The following ADGRD1 variants were observed in gnomAD, a reference collection of about 807,000 sequenced individuals.
ADGRD1 encodes the protein G-protein coupled receptor 133.
Under a neutral mutation model 113.4 loss-of-function variants are expected in ADGRD1, and 77 were observed. That is an observed-to-expected ratio of 0.68 (90% CI 0.57 to 0.82). The LOEUF (loss-of-function observed/expected upper bound fraction) is 0.82. Ranked by LOEUF, ADGRD1 falls within the 40% of genes least tolerant of loss-of-function variation. The pLI is 0.00. For missense variants in ADGRD1, 1,036 were observed against 1,139.1 expected (o/e 0.91, Z 1.30); for synonymous variants, 474 against 475.0 (o/e 1.00, Z 0.03).
intron 13 of ADGRD1, among the ~76,000 whole-genome samples, chr12:131,033,494 G>A (rs1055672053): frequency 2.0e-5 from 3 of 152,180 alleles, no homozygotes; most frequent in Non-Finnish European, 4.4e-5. Context: ...ATGTCTTTTC[G>A]GAGCCCCCTG....
At position 131,119,339 on chromosome 12, in the gene ADGRD1, GCA is replaced by G. The variant is rs1256408421; in HGVS notation, c.2108+891_2108+892del. On this transcript the variant is annotated intron_variant, in intron 19 of 24. Coordinates refer to ENST00000261654, the MANE Select transcript of ADGRD1 (RefSeq NM_198827.5). ...CATTTGTAGAAGGCAGTGTCTGAGCGCACAGTGAAACAAGCATGGTTACGCAG... is the reference window on the plus strand; with the variant it reads ...CATTTGTAGAAGGCAGTGTCTGAGCGCAGTGAAACAAGCATGGTTACGCAG... Among the ~76,000 whole-genome samples, 4 of 152,338 alleles carry G rather than the reference GCA, an allele frequency of 2.6e-5. No homozygotes were observed. In the East Asian group the frequency reaches 7.7e-4, roughly 29 times the overall value.
rs1882081740 is a variant in ADGRD1 at position 131,041,017 on chromosome 12, T to G, written c.1473+26677T>G. Among the ~76,000 whole-genome samples the G allele has an allele frequency of 6.6e-6, 1 of 152,194 alleles. No individual in the cohort carries two copies. Among genetic ancestry groups the G allele is most frequent in the Non-Finnish European group, 1.5e-5 (1 of 68,026 alleles). ...GGCTGAATGGTGGCCCCCCCGGAGT[T>G]TGCCATCATCCCCACCTGGATGGTC... On this transcript the variant is annotated intron_variant, in intron 13 of 24. Coordinates refer to ENST00000261654, the MANE Select transcript of ADGRD1 (RefSeq NM_198827.5). The surrounding 1 kb of genome is among the most constrained non-coding windows in gnomAD (Gnocchi z 4.4).
At chr12:130,990,680 G>A (rs552336599) in intron 6 of ADGRD1, 33 of 227,358 alleles carry the variant, frequency 1.5e-4, no homozygotes, top group Middle Eastern at 1.8e-3. Context: ...CAGTCTGGAT[G>A]CAATTGAAAT....
chr12:131,128,145 T>C (rs1023769232), intron 20 of ADGRD1, among the ~76,000 whole-genome samples: 1 of 144,330 alleles, frequency 6.9e-6, no homozygotes, highest in East Asian at 2.1e-4. Flanking sequence ...TTGGTTGTGA[T>C]GGGATTCTGA....
Position 130,971,364 on chromosome 12 carries a change from T to G in ADGRD1, c.188-94T>G, listed in dbSNP as rs1243279023. Reference sequence around the variant, plus strand: ...TACTTAGATAAATAATAATGCATACTTACACATAAGTTATTTGTAGGTCTG... The same window carrying G: ...TACTTAGATAAATAATAATGCATACGTACACATAAGTTATTTGTAGGTCTG... On this transcript the variant is annotated intron_variant, in intron 3 of 24. Transcript: ENST00000261654. This position sits in a 1 kb window ranked among gnomAD's most constrained non-coding sequence, Gnocchi z 4.2. 1 of 841,090 alleles carries G rather than the reference T, an allele frequency of 1.2e-6. No individual in the cohort carries two copies. The highest frequency in any genetic ancestry group is 1.7e-5 in the African/African-American group (1 of 57,866). 52.1% of individuals were successfully genotyped at this position (841,090 alleles called of 1,614,324 possible). A position where few individuals can be genotyped will look rare whatever the true frequency, so the allele number is the denominator to read the frequency against.
At chr12:131,085,497 C>T (rs7978139) in intron 15 of ADGRD1, among the ~76,000 whole-genome samples, 1 of 151,878 alleles carries the variant, frequency 6.6e-6, no homozygotes, top group South Asian at 2.1e-4. Context: ...TAGATGCATA[C>T]GAAGCCTTTG....
chr12:130,955,635 C>T (rs1869463874), intron 2 of ADGRD1, among the ~76,000 whole-genome samples: 2 of 152,132 alleles, frequency 1.3e-5, no homozygotes, highest in Admixed American at 6.5e-5. Flanking sequence ...GGGAGGAGAC[C>T]CTGCTAGTGC....
intron 13 of ADGRD1, among the ~76,000 whole-genome samples, chr12:131,062,256 G>A (rs1384485052): frequency 6.6e-6 from 1 of 152,230 alleles, no homozygotes; most frequent in Admixed American, 6.5e-5. Flanking sequence ...GCCTCCCAAA[G>A]TGCTGGGATT....
chr12:131,008,316 C>T (rs748965052), intron 12 of ADGRD1, among the ~76,000 whole-genome samples: 66 of 152,222 alleles, frequency 4.3e-4, no homozygotes, highest in East Asian at 1.9e-4. Flanking sequence ...GCACATATGC[C>T]GGGTTCCTGC....
intron 15 of ADGRD1, among the ~76,000 whole-genome samples, chr12:131,093,891 G>A (rs1887082314): frequency 6.6e-6 from 1 of 152,062 alleles, no homozygotes; most frequent in Non-Finnish European, 1.5e-5. Flanking sequence ...GTGGAGCTGT[G>A]GTGGTGATGA....
intron 13 of ADGRD1, among the ~76,000 whole-genome samples, chr12:131,049,171 T>TG (rs1216390748): frequency 1.3e-5 from 2 of 152,242 alleles, no homozygotes; most frequent in African/African-American, 4.8e-5. Context: ...ACCGAGTCCC[T>TG]GGGGTCTCTG....
At chr12:131,079,667 T>C (rs527951745) in intron 14 of ADGRD1, among the ~76,000 whole-genome samples, 102 of 152,336 alleles carry the variant, frequency 6.7e-4, no homozygotes, top group Non-Finnish European at 1.2e-3. Flanking sequence ...TGCAGGACTA[T>C]GTAGGTCGTC....
At chr12:130,961,701 C>A (rs1041339678) in intron 2 of ADGRD1, among the ~76,000 whole-genome samples, 1 of 152,106 alleles carries the variant, frequency 6.6e-6, no homozygotes, top group Admixed American at 6.5e-5. Context: ...ACTTGTAGGA[C>A]TATGAGTTAT....
chr12:131,110,049 T>C (rs1037358238), intron 18 of ADGRD1, among the ~76,000 whole-genome samples: 3 of 152,262 alleles, frequency 2.0e-5, no homozygotes, highest in African/African-American at 7.2e-5. Context: ...TTGCAGAGCA[T>C]ATATATTTTC....
intron 15 of ADGRD1, among the ~76,000 whole-genome samples, chr12:131,093,450 C>T (rs566321172): frequency 6.6e-6 from 1 of 152,340 alleles, no homozygotes; most frequent in East Asian, 1.9e-4. Context: ...GGCCCCGTGC[C>T]CCGCGGTTAC....
At chr12:131,131,468 C>T (rs571743501) in intron 20 of ADGRD1, among the ~76,000 whole-genome samples, 12 of 152,324 alleles carry the variant, frequency 7.9e-5, no homozygotes, top group African/African-American at 2.2e-4. Flanking sequence ...TGCCCTCATG[C>T]CCGGATGTGT....
intron 2 of ADGRD1, among the ~76,000 whole-genome samples, chr12:130,963,292 C>G (rs1257380080): frequency 7.8e-6 from 1 of 128,238 alleles, no homozygotes; most frequent in African/African-American, 3.0e-5. Context: ...TGCACTCCAG[C>G]CTGGGCGACA....
At chr12:131,086,300 C>T (rs185138484) in intron 15 of ADGRD1, among the ~76,000 whole-genome samples, 2 of 152,214 alleles carry the variant, frequency 1.3e-5, no homozygotes, top group Admixed American at 6.5e-5. Flanking sequence ...CAAGGTGTAA[C>T]GGAGGCAGAA....
rs1886338324 is a variant in ADGRD1 at position 131,084,794 on chromosome 12, C to G, written c.1671+131C>G. On this transcript the variant is annotated intron_variant, in intron 15 of 24. Transcript: ENST00000261654. The surrounding 1 kb of genome is among the most constrained non-coding windows in gnomAD (Gnocchi z 4.5). The stretch of plus-strand genomic sequence containing the variant: ...CATTACTCCATGGGGCCTGTGTTTA[C>G]AGACGGAATCCATTCTCTTGGCTTC... 4.1e-6 allele frequency: 4 copies of G among 964,354 alleles called. No individual in the cohort carries two copies. The highest frequency in any genetic ancestry group is 6.2e-6 in the Non-Finnish European group (4 of 642,032). 59.7% of individuals were successfully genotyped at this position (964,354 alleles called of 1,614,324 possible). A position where few individuals can be genotyped will look rare whatever the true frequency, so the allele number is the denominator to read the frequency against.
Sources: gnomAD v4.1 joint callset for allele counts (sites outside exome capture counted in the v4.1 genomes callset) on GRCh38, gnomAD v4.1.1 for gene constraint, Gnocchi (gnomAD v3.1) non-coding constraint, MANE v1.5 for transcripts, NCBI Gene and HGNC (gene_info 2026-07-23, HGNC 2026-07-21) for gene names.